The following ZNF25 variants were observed in gnomAD, a reference collection of about 807,000 sequenced individuals.
ZNF25 encodes the protein zinc finger protein 25 (KOX 19).
In ZNF25, 21 loss-of-function variants were observed where a neutral mutation model predicts 30.9. The ratio of observed to expected loss-of-function variants is 0.68; its 90% CI spans 0.48 to 0.98. The LOEUF (loss-of-function observed/expected upper bound fraction) is 0.98, where lower values mean the gene tolerates loss of function less well. ZNF25 is among the 50% of genes least tolerant of loss of function. The pLI is 0.00. For synonymous variants in ZNF25, 169 were observed against 181.3 expected (o/e 0.93, Z 0.55); for missense variants, 501 against 529.9 (o/e 0.95, Z 0.54).
rs927614850 is a variant in ZNF25 at position 37,957,293 on chromosome 10, T to C, written c.142+127A>G. The C allele has an allele frequency of 3.7e-6, 5 of 1,368,476 alleles. No homozygotes were observed. In the African/African-American group the frequency reaches 7.3e-5, roughly 20 times the overall value. The allele number at this position is 1,368,476 out of a possible 1,614,324, so 84.8% of individuals were successfully genotyped here. ...TTTTTTCTAGTACCCAAAATGGATTTATTAACTTCGACCTCTGAATCATAG... is the reference window on the plus strand; with the variant it reads ...TTTTTTCTAGTACCCAAAATGGATTCATTAACTTCGACCTCTGAATCATAG... On this transcript the variant is annotated intron_variant, in intron 3 of 5. Coordinates refer to ENST00000302609, the MANE Select transcript of ZNF25 (RefSeq NM_145011.4).
At chr10:37,967,510 A>G (rs1036077049) in intron 2 of ZNF25, among the ~76,000 whole-genome samples, 4 of 151,750 alleles carry the variant, frequency 2.6e-5, no homozygotes, top group African/African-American at 9.7e-5. Flanking sequence ...CCCCAGGCTC[A>G]GGTGATGCCC....
intron 2 of ZNF25, among the ~76,000 whole-genome samples, chr10:37,969,872 C>T (rs2063390356): frequency 1.3e-5 from 2 of 152,118 alleles, no homozygotes; most frequent in South Asian, 2.1e-4. Flanking sequence ...AGAAACAATA[C>T]CAATTATATG....
chr10:37,955,591 C>T (rs1340688850), intron 4 of ZNF25, among the ~76,000 whole-genome samples: 1 of 152,154 alleles, frequency 6.6e-6, no homozygotes, highest in East Asian at 1.9e-4. Flanking sequence ...AATGCATTGG[C>T]TTTAAGAATG....
At chr10:37,955,788 A>C (rs1429896650) in intron 4 of ZNF25, among the ~76,000 whole-genome samples, 1 of 152,066 alleles carries the variant, frequency 6.6e-6, no homozygotes, top group Non-Finnish European at 1.5e-5. Context: ...AGCAATTCTC[A>C]TGCCTAAGCC....
intron 2 of ZNF25, among the ~76,000 whole-genome samples, chr10:37,959,768 C>T (rs1037419382): frequency 2.0e-5 from 3 of 151,896 alleles, no homozygotes; most frequent in African/African-American, 7.3e-5. Flanking sequence ...CGCCACCACG[C>T]CTGGCTAATT....
chr10:37,957,358 T>C (rs2062597818), intron 3 of ZNF25, 62 bp downstream of exon 3: 1 of 1,561,144 alleles, frequency 6.4e-7, no homozygotes, highest in African/African-American at 1.4e-5. Flanking sequence ...CATTTTATAC[T>C]CCAGTAACTG....
intron 2 of ZNF25, among the ~76,000 whole-genome samples, chr10:37,970,406 T>A (rs1025842934): frequency 3.3e-5 from 5 of 152,116 alleles, no homozygotes; most frequent in African/African-American, 1.2e-4. Context: ...AGAAGAACAT[T>A]TGACAAAATT....
At chr10:37,976,169 C>T (rs146813512) in intron 1 of ZNF25, among the ~76,000 whole-genome samples, 6 of 152,368 alleles carry the variant, frequency 3.9e-5, no homozygotes, top group African/African-American at 1.2e-4. Context: ...GCACTGGGAC[C>T]ACCTACAGAC....
chr10:37,952,459 A>C lies in ZNF25; in HGVS notation c.1039T>G (p.Cys347Gly). 6.2e-7 allele frequency: 1 copy of C among 1,613,988 alleles called. No individual in the cohort carries two copies. The change falls in exon 6 of 6, where the codon TGT becomes GGT. Residue 347 changes from cysteine to glycine, a missense_variant. Physicochemically the swap from Cys to Gly is radical, Grantham distance 159. Transcript: ENST00000302609. ...TGEKPFECNK[C>G]GKTFYYKSDL... ...GATTTATAGTAAAATGTTTTCCCAC[A>C]TTTATTACATTCAAAGGGTTTCTCC... is the stretch of plus-strand genomic sequence containing the variant.
intron 2 of ZNF25, chr10:37,967,922 A>C (rs968092727): frequency 6.6e-6 from 1 of 152,250 alleles, no homozygotes; most frequent in Non-Finnish European, 1.5e-5. Context: ...CCTACCTTGA[A>C]TTTGGCAATG....
chr10:37,968,835 C>T (rs1348159305), intron 2 of ZNF25, among the ~76,000 whole-genome samples: 1 of 152,072 alleles, frequency 6.6e-6, no homozygotes, highest in Non-Finnish European at 1.5e-5. Context: ...ATTGGAAACC[C>T]ACACATATGG....
Position 37,956,852 on chromosome 10 carries a change from T to G in ZNF25, c.238+168A>C, listed in dbSNP as rs1013716307. Reference sequence around the variant, plus strand: ...ATTGCTTGAACCTGGGAGGTGGAGGTTGCAGTGAGCTGAGATGGCAACATT... The same window carrying G: ...ATTGCTTGAACCTGGGAGGTGGAGGGTGCAGTGAGCTGAGATGGCAACATT... On this transcript the variant is annotated intron_variant, in intron 4 of 5. Transcript: ENST00000302609. 6.7e-5 allele frequency among the ~76,000 whole-genome samples: 10 copies of G among 149,202 alleles called. No homozygotes were observed. The East Asian group carries it at 7.9e-4, about 12-fold the overall frequency.
intron 2 of ZNF25, among the ~76,000 whole-genome samples, chr10:37,962,127 A>C (rs1361838457): frequency 6.6e-6 from 1 of 151,576 alleles, no homozygotes; most frequent in African/African-American, 2.4e-5. Context: ...TTTTAATCCC[A>C]GCTACTCAGG....
rs1470345384 is a variant in ZNF25, at chr10:37,953,159, G to A, written c.339C>T (p.Thr113=). ...CCTTACATTCACAGGCTTTCTCTGT[G>A]GTATGAGTTTTCTGATGTTTTGTGA... is the stretch of plus-strand genomic sequence containing the variant. ...GELTKHQKTH[T]TEKACECKEC... The change falls in exon 6 of 6, where the codon ACC becomes ACT. Residue 113 remains threonine (T), a synonymous_variant. Coordinates refer to ENST00000302609, the MANE Select transcript of ZNF25 (RefSeq NM_145011.4). The A allele has an allele frequency of 1.9e-6, 3 of 1,595,192 alleles. No individual in the cohort carries two copies. In the East Asian group the frequency reaches 6.7e-5, roughly 36 times the overall value.
At position 37,952,655 on chromosome 10, in the gene ZNF25, T is replaced by G. The variant is rs1209247467; in HGVS notation, c.843A>C (p.Thr281=). 1.2e-6 allele frequency: 2 copies of G among 1,613,810 alleles called. No homozygotes were observed. Among genetic ancestry groups the G allele is most frequent in the East Asian group, 4.5e-5 (2 of 44,810 alleles). The stretch of plus-strand genomic sequence containing the variant: ...CCTTACATTTATAGGGTTTCTCCCC[T>G]GTGTGCATTCTCTGATGTACTGTGA... ...SHLTVHQRMH[T]GEKPYKCKEC... is the part of the protein sequence containing the mutation. The change falls in exon 6 of 6, where the codon ACA becomes ACC. Residue 281 remains threonine (T), a synonymous_variant. Transcript: ENST00000302609.
chr10:37,960,623 C>CA (rs201582068), intron 2 of ZNF25, among the ~76,000 whole-genome samples: 5,131 of 65,652 alleles, frequency 0.078, 738 homozygotes, highest in Middle Eastern at 0.11. Context: ...GACTCCATCT[C>CA]AAAAAAAAAA....
At chr10:37,969,411 T>A (rs2063363349) in intron 2 of ZNF25, among the ~76,000 whole-genome samples, 1 of 152,206 alleles carries the variant, frequency 6.6e-6, no homozygotes, top group Non-Finnish European at 1.5e-5. Flanking sequence ...TTGTGGTGTA[T>A]ATACACAATG....
At chr10:37,976,233 C>T (rs1449807869) in intron 1 of ZNF25, among the ~76,000 whole-genome samples, 2 of 152,230 alleles carry the variant, frequency 1.3e-5, no homozygotes, top group African/African-American at 4.8e-5. Flanking sequence ...CTGCAGCGGC[C>T]AGCGCGCCTC....
intron 2 of ZNF25, among the ~76,000 whole-genome samples, chr10:37,966,735 AT>A (rs2063210176): frequency 6.6e-6 from 1 of 152,160 alleles, no homozygotes; most frequent in African/African-American, 2.4e-5. Context: ...GAGGGTTACA[AT>A]TTCACATGAG....
Sources: allele counts gnomAD v4.1 joint callset (sites outside exome capture counted in the v4.1 genomes callset), GRCh38; gene constraint gnomAD v4.1.1; transcripts MANE v1.5; gene names NCBI Gene and HGNC (gene_info 2026-07-23, HGNC 2026-07-21).